Variants in FGF14 observed in about 807,000 individuals in gnomAD.
FGF14 encodes fibroblast growth factor 14.
In FGF14, 5 loss-of-function variants were observed where a neutral mutation model predicts 25.5. The observed-to-expected ratio is 0.20, with a 90% CI of 0.10 to 0.41. FGF14 has a LOEUF of 0.41. FGF14 is among the 10% of genes least tolerant of loss of function. FGF14 has a pLI of 1.00. For synonymous variants in FGF14, 138 were observed against 118.3 expected (o/e 1.17, Z -1.08); for missense variants, 222 against 320.1 (o/e 0.69, Z 2.34).
chr13:102,204,690 G>A (rs1271293998), intron 1 of FGF14, among the ~76,000 whole-genome samples: 1 of 152,058 alleles, frequency 6.6e-6, no homozygotes, highest in Admixed American at 6.5e-5. Flanking sequence ...GGGATTACAG[G>A]CATGCACCAC....
rs1301914083 is a variant in FGF14 at position 101,722,854 on chromosome 13, C to A, written c.721G>T (p.Val241Phe). ...GGCTATGTTGTCTTACTCTTGTTGA[C>A]TGGTTTGCCTCCATTCATTATTGCA... ...ASAIMNGGKP[V>F]NKSKTT The change falls in exon 5 of 5, where the codon GTC (valine) becomes TTC (phenylalanine). Residue 241 changes from valine to phenylalanine, a missense_variant. This residue lies in a region of FGF14 where 66 missense variants were observed against 90.3 expected (regional missense o/e 0.73). Transcript: ENST00000376143. 6.2e-7 allele frequency: 1 copy of A among 1,613,340 alleles called. No individual in the cohort carries two copies. Among genetic ancestry groups the A allele is most frequent in the Non-Finnish European group, 8.5e-7 (1 of 1,179,548 alleles).
At chr13:101,881,735 C>T (rs1179847683) in intron 1 of FGF14, among the ~76,000 whole-genome samples, 5 of 152,154 alleles carry the variant, frequency 3.3e-5, no homozygotes, top group Non-Finnish European at 7.4e-5. Flanking sequence ...AACACAAGCG[C>T]ACCAGCAAAG....
intron 3 of FGF14, among the ~76,000 whole-genome samples, chr13:101,766,696 A>C (rs2139941470): frequency 6.6e-6 from 1 of 152,254 alleles, no homozygotes; most frequent in African/African-American, 2.4e-5. Flanking sequence ...TAATTAGTTA[A>C]GTTTACTTTA....
chr13:101,947,303 AC>A (rs1254667289), intron 1 of FGF14, among the ~76,000 whole-genome samples: 2 of 152,220 alleles, frequency 1.3e-5, no homozygotes, highest in Non-Finnish European at 2.9e-5. Flanking sequence ...AAACAGATCT[AC>A]CATTTGACAC....
chr13:102,150,171 C>T (rs937174713), intron 1 of FGF14, among the ~76,000 whole-genome samples: 2 of 152,236 alleles, frequency 1.3e-5, no homozygotes, highest in South Asian at 2.1e-4. Context: ...AGTCCCTTAG[C>T]ATCTTTGAAT....
chr13:102,262,920 A>G, intron 1 of FGF14: 1 of 365,770 alleles, frequency 2.7e-6, no homozygotes, highest in East Asian at 5.7e-5. Context: ...AGAAAAAAAT[A>G]TATATTCCCA....
At chr13:101,797,873 T>C (rs1032524491) in intron 3 of FGF14, among the ~76,000 whole-genome samples, 24 of 151,946 alleles carry the variant, frequency 1.6e-4, no homozygotes, top group African/African-American at 5.1e-4. Flanking sequence ...TAATCATTTG[T>C]TCAATAATCA....
At chr13:102,390,348 C>G (rs2058404553) in intron 1 of FGF14, among the ~76,000 whole-genome samples, 1 of 152,162 alleles carries the variant, frequency 6.6e-6, no homozygotes, top group Admixed American at 6.5e-5. Context: ...TAAATTATAT[C>G]TCACTAAGAA....
chr13:102,116,098 G>A (rs537427467), intron 1 of FGF14, among the ~76,000 whole-genome samples: 5 of 152,052 alleles, frequency 3.3e-5, no homozygotes, highest in East Asian at 1.9e-4. Context: ...CAACAAGAGC[G>A]AAATTCCATC....
At chr13:102,169,584 ATTAT>A (rs2048162980) in intron 1 of FGF14, among the ~76,000 whole-genome samples, 1 of 152,192 alleles carries the variant, frequency 6.6e-6, no homozygotes, top group South Asian at 2.1e-4. Context: ...AAATAATTCA[ATTAT>A]TTAAAGTTAC....
Position 101,894,538 on chromosome 13 carries a change from G to A in FGF14, c.194-19242C>T, listed in dbSNP as rs1194419366. On this transcript the variant is annotated intron_variant, in intron 1 of 4. Transcript: ENST00000376143. ...GCCCCACACCCAGCGCTACAGCTGC[G>A]AAGTTGACAAAGAAATTTCCGCTCC... Among the ~76,000 whole-genome samples the A allele has an allele frequency of 4.6e-5, 7 of 152,126 alleles. No individual in the cohort carries two copies. The East Asian group carries it at 9.6e-4, about 21-fold the overall frequency.
chr13:101,790,128 G>GT (rs35108416), intron 3 of FGF14, among the ~76,000 whole-genome samples: 59 of 108,474 alleles, frequency 5.4e-4, no homozygotes, highest in African/African-American at 1.7e-3. Context: ...TAGTATTTTG[G>GT]TTTTTTTTTT....
intron 1 of FGF14, among the ~76,000 whole-genome samples, chr13:101,885,116 C>T (rs550880373): frequency 6.6e-6 from 1 of 152,278 alleles, no homozygotes; most frequent in South Asian, 2.1e-4. Context: ...TTTGATACTT[C>T]ATAAAGCAAA....
rs374959620 is a variant in FGF14 at position 102,222,972 on chromosome 13, T to C, written c.208+178499A>G. ...AATGAAATCATATTTTAAGAGACTA[T>C]GTAGAAATAAGCTCTCAATAGAAGT... On this transcript the variant is annotated intron_variant, in intron 1 of 4. Coordinates refer to the FGF14 transcript ENST00000376131. Among the ~76,000 whole-genome samples the C allele has an allele frequency of 5.3e-5, 8 of 152,306 alleles. No individual in the cohort carries two copies. In the East Asian group the frequency reaches 1.5e-3, roughly 29 times the overall value.
At position 101,726,665 on chromosome 13, in the gene FGF14, T is replaced by C; in HGVS notation, c.554A>G (p.Asn185Ser). 1 of 1,613,546 alleles carries C rather than the reference T, an allele frequency of 6.2e-7. No individual in the cohort carries two copies. Among genetic ancestry groups the C allele is most frequent in the Non-Finnish European group, 8.5e-7 (1 of 1,179,670 alleles). ...LNKEGQAMKG[N>S]RVKKTKPAAH... The stretch of plus-strand genomic sequence containing the variant: ...TGCTGGTTTGGTTTTCTTTACTCTG[T>C]TCCCTTTCATAGCTTGCCCTTCCTT... The change falls in exon 4 of 5, where the codon AAC becomes AGC. Residue 185 changes from asparagine (N) to serine (S), a missense_variant. Transcript: ENST00000376143.
intron 1 of FGF14, among the ~76,000 whole-genome samples, chr13:101,897,426 C>T (rs1023638517): frequency 7.2e-5 from 11 of 152,174 alleles, no homozygotes; most frequent in African/African-American, 2.4e-4. Context: ...CAATGAACCA[C>T]AGGCTTCAGA....
chr13:101,970,405 C>T (rs781346650), intron 1 of FGF14, among the ~76,000 whole-genome samples: 1 of 152,114 alleles, frequency 6.6e-6, no homozygotes, highest in Non-Finnish European at 1.5e-5. Context: ...TAGAGGATCC[C>T]CTGAGTGACT....
intron 1 of FGF14, among the ~76,000 whole-genome samples, chr13:102,194,434 T>A (rs1214039303): frequency 4.6e-5 from 2 of 43,142 alleles, no homozygotes; most frequent in South Asian, 6.2e-4. Context: ...TCCCTCCCAC[T>A]GCCCCCCTGA....
chr13:101,782,229 A>G (rs1253853841), intron 3 of FGF14, among the ~76,000 whole-genome samples: 1 of 152,220 alleles, frequency 6.6e-6, no homozygotes, highest in African/African-American at 2.4e-5. Flanking sequence ...TTAATTACTT[A>G]GCCAAATAAT....
Sources: gnomAD v4.1 joint callset for allele counts (sites outside exome capture counted in the v4.1 genomes callset) on GRCh38, gnomAD v4.1.1 for gene constraint, gnomAD v4.1.1 regional missense constraint, MANE v1.5 for transcripts, NCBI Gene and HGNC (gene_info 2026-07-23, HGNC 2026-07-21) for gene names.